NCAM2: variants seen among roughly 807,000 people sequenced by gnomAD.
NCAM2 encodes the protein N-CAM-2.
Under a neutral mutation model 98.1 loss-of-function variants are expected in NCAM2, and 30 were observed. The observed-to-expected ratio is 0.31, with a 90% CI of 0.23 to 0.41. The LOEUF is 0.41. NCAM2 is among the 10% of genes least tolerant of loss of function. The pLI is 1.00. For missense variants in NCAM2, 867 were observed against 1,005.8 expected (o/e 0.86, Z 1.87); for synonymous variants, 368 against 342.4 (o/e 1.07, Z -0.83).
chr21:21,414,154 A>G (rs2076940245), intron 10 of NCAM2, among the ~76,000 whole-genome samples: 1 of 152,186 alleles, frequency 6.6e-6, no homozygotes, highest in Non-Finnish European at 1.5e-5. Context: ...TTTTATCATC[A>G]GATTGCAGCA....
intron 1 of NCAM2, among the ~76,000 whole-genome samples, chr21:21,143,169 T>G (rs2067204176): frequency 6.6e-6 from 1 of 152,230 alleles, no homozygotes; most frequent in African/African-American, 2.4e-5. Context: ...GGTTCCTATT[T>G]AGCCAACCCC....
chr21:21,080,614 C>CAA (rs112060723), intron 1 of NCAM2, among the ~76,000 whole-genome samples: 2,205 of 57,276 alleles, frequency 0.038, 63 homozygotes, highest in African/African-American at 0.096. Context: ...AAAACTCTGT[C>CAA]AAAAAAAAAA....
chr21:21,537,888 T>C lies in NCAM2; in HGVS notation c.2445T>C (p.Asn815=). 1 of 1,581,284 alleles carries C rather than the reference T, an allele frequency of 6.3e-7. No homozygotes were observed. The highest frequency in any genetic ancestry group is 8.6e-7 in the Non-Finnish European group (1 of 1,164,514). The change falls in exon 18 of 18, where the codon AAT becomes AAC. Residue 815 remains asparagine (N), a synonymous_variant. Transcript: ENST00000400546. The part of the protein sequence containing the change: ...LKEEDGKEAL[N]PETIEIKVSN... ...AAGAAGATGGGAAAGAAGCTCTAAA[T>C]CCAGAAACTATAGAAATTAAAGTTT...
chr21:21,178,044 T>A (rs1393154891), intron 1 of NCAM2, among the ~76,000 whole-genome samples: 1 of 152,174 alleles, frequency 6.6e-6, no homozygotes, highest in Admixed American at 6.5e-5. Context: ...TCTGTTTTAA[T>A]GTCATTGCAT....
chr21:21,479,571 G>T (rs1373097694), intron 15 of NCAM2, among the ~76,000 whole-genome samples: 2 of 68,132 alleles, frequency 2.9e-5, no homozygotes, highest in Admixed American at 3.3e-4. Context: ...GAGACAGAGC[G>T]AGACTGCGTC....
At position 21,365,749 on chromosome 21, in the gene NCAM2, A is replaced by G. The variant is rs531168513; in HGVS notation, c.1045-8114A>G. ...AAAACAGCTCAAATAAAAATTGTAT[A>G]TATTGAAAAAACAACATTTTCAATA... On this transcript the variant is annotated intron_variant, in intron 8 of 17. Coordinates refer to ENST00000400546, the MANE Select transcript of NCAM2 (RefSeq NM_004540.5). 1.6e-4 allele frequency among the ~76,000 whole-genome samples: 25 copies of G among 152,186 alleles called. No individual in the cohort carries two copies. In the South Asian group the frequency reaches 4.8e-3, roughly 29 times the overall value.
At chr21:21,244,651 A>G (rs2071192679) in intron 1 of NCAM2, among the ~76,000 whole-genome samples, 1 of 151,968 alleles carries the variant, frequency 6.6e-6, no homozygotes, top group Admixed American at 6.6e-5. Flanking sequence ...GATCGAGACC[A>G]TCCTGGCCAA....
chr21:21,193,574 C>A (rs1273746833), intron 1 of NCAM2, among the ~76,000 whole-genome samples: 1 of 149,064 alleles, frequency 6.7e-6, no homozygotes, highest in African/African-American at 2.5e-5. Context: ...CGGCTCACTG[C>A]AACCTCTGCT....
intron 15 of NCAM2, among the ~76,000 whole-genome samples, chr21:21,487,547 T>C (rs1383627408): frequency 6.6e-6 from 1 of 152,158 alleles, no homozygotes; most frequent in East Asian, 1.9e-4. Context: ...ACTGTTAAAA[T>C]ATTTCAAAAG....
chr21:21,104,959 T>C (rs746947307), intron 1 of NCAM2, among the ~76,000 whole-genome samples: 6 of 152,124 alleles, frequency 3.9e-5, no homozygotes, highest in Non-Finnish European at 7.3e-5. Flanking sequence ...CTGAAATCTC[T>C]GCCAACAACC....
At chr21:21,429,535 T>C (rs1465901148) in intron 11 of NCAM2, among the ~76,000 whole-genome samples, 2 of 152,164 alleles carry the variant, frequency 1.3e-5, no homozygotes, top group African/African-American at 2.4e-5. Flanking sequence ...ATTGGCATTT[T>C]TTAAGGGGAT....
intron 8 of NCAM2, 99 bp from the exon 9 acceptor site, chr21:21,373,764 G>A (rs915813210): frequency 5.7e-6 from 6 of 1,059,228 alleles, no homozygotes; most frequent in African/African-American, 3.3e-5. Flanking sequence ...TTTTCTTTTT[G>A]CCAGAGAAAC....
At chr21:21,378,847 A>G (rs2076089459) in intron 9 of NCAM2, among the ~76,000 whole-genome samples, 1 of 152,122 alleles carries the variant, frequency 6.6e-6, no homozygotes, top group East Asian at 1.9e-4. Flanking sequence ...ATTCTCTGGA[A>G]TAAACATTTT....
intron 1 of NCAM2, among the ~76,000 whole-genome samples, chr21:21,100,002 T>C (rs2066207620): frequency 1.3e-5 from 2 of 151,900 alleles, no homozygotes; most frequent in East Asian, 3.9e-4. Context: ...CTAGTGTGTC[T>C]TTTTCCTTCC....
chr21:21,220,577 G>A (rs1259079980), intron 1 of NCAM2, among the ~76,000 whole-genome samples: 1 of 152,032 alleles, frequency 6.6e-6, no homozygotes, highest in Non-Finnish European at 1.5e-5. Flanking sequence ...AGCAATTCAT[G>A]ACTGTATTTA....
intron 1 of NCAM2, among the ~76,000 whole-genome samples, chr21:21,065,256 GAAGTCAT>G (rs1568984825): frequency 6.6e-6 from 1 of 151,824 alleles, no homozygotes; most frequent in Non-Finnish European, 1.5e-5. Context: ...GAAAATTATA[GAAGTCAT>G]AAGCCAATAA....
chr21:21,196,856 C>T (rs2069021574), intron 1 of NCAM2, among the ~76,000 whole-genome samples: 1 of 152,190 alleles, frequency 6.6e-6, no homozygotes, highest in African/African-American at 2.4e-5. Context: ...GGGGCCGTTT[C>T]TCATGAATGA....
At chr21:21,073,720 A>T (rs2065621195) in intron 1 of NCAM2, among the ~76,000 whole-genome samples, 1 of 152,212 alleles carries the variant, frequency 6.6e-6, no homozygotes, top group Non-Finnish European at 1.5e-5. Context: ...AGCCCACTCC[A>T]TACAACCACA....
intron 1 of NCAM2, among the ~76,000 whole-genome samples, chr21:21,273,319 AC>A (rs2072602018): frequency 6.6e-6 from 1 of 152,110 alleles, no homozygotes; most frequent in South Asian, 2.1e-4. Context: ...GATAGATAGA[AC>A]ACCAAGAGAA....
Sources: gnomAD v4.1 joint callset for allele counts (sites outside exome capture counted in the v4.1 genomes callset) on GRCh38, gnomAD v4.1.1 for gene constraint, MANE v1.5 for transcripts, NCBI Gene and HGNC (gene_info 2026-07-23, HGNC 2026-07-21) for gene names.